DACH2: variants seen among roughly 807,000 people sequenced by gnomAD.
The protein encoded by DACH2 is dachshund family transcription factor 2.
In DACH2, 17 loss-of-function variants were observed where a neutral mutation model predicts 35.8. The ratio of observed to expected loss-of-function variants is 0.48; its 90% CI spans 0.33 to 0.71. The LOEUF is 0.71. Among genes scored for constraint, DACH2 ranks in the 30% least tolerant of loss-of-function variants. The pLI is 0.02. For synonymous variants in DACH2, 195 were observed against 177.3 expected (o/e 1.10, Z -0.79); for missense variants, 469 against 472.7 (o/e 0.99, Z 0.07).
chrX:86,379,962 C>G (rs1366573550), intron 2 of DACH2, among the ~76,000 whole-genome samples: 2 of 110,560 alleles, frequency 1.8e-5, no homozygotes, highest in African/African-American at 6.5e-5. Context: ...TACTAAAACT[C>G]TAATAATTAA....
At chrX:86,721,885 G>A (rs763451639) in intron 6 of DACH2, among the ~76,000 whole-genome samples, 6 of 111,368 alleles carry the variant, frequency 5.4e-5, no homozygotes, top group African/African-American at 1.6e-4. Flanking sequence ...ATGAATGCCC[G>A]ATGCTTATAA....
chrX:86,194,581 G>A (rs1191281931), intron 1 of DACH2, among the ~76,000 whole-genome samples: 2 of 112,437 alleles, frequency 1.8e-5, no homozygotes, highest in Non-Finnish European at 3.8e-5. Flanking sequence ...TGAATGAATT[G>A]AACTGACAAG....
chrX:86,788,243 G>T (rs969266819), intron 7 of DACH2, among the ~76,000 whole-genome samples: 10 of 110,750 alleles, frequency 9.0e-5, no homozygotes, highest in Non-Finnish European at 1.7e-4. Flanking sequence ...AAGCTTACTC[G>T]CCCAGCTCCT....
At chrX:86,726,013 GAAGGT>G (rs2041464986) in intron 6 of DACH2, among the ~76,000 whole-genome samples, 1 of 111,331 alleles carries the variant, frequency 9.0e-6, no homozygotes, top group Non-Finnish European at 1.9e-5. Flanking sequence ...ACTTTTCCTT[GAAGGT>G]AATGACTTCA....
At chrX:86,438,652 A>G in intron 2 of DACH2, among the ~76,000 whole-genome samples, 2 of 112,485 alleles carry the variant, frequency 1.8e-5, no homozygotes, top group Non-Finnish European at 3.8e-5. Flanking sequence ...ATAGTGTTGC[A>G]ATGAACATAG....
chrX:86,656,857 G>GTGTGTGTGTATA (rs1333268452), intron 4 of DACH2, among the ~76,000 whole-genome samples: 4 of 66,772 alleles, frequency 6.0e-5, no homozygotes, highest in African/African-American at 2.9e-4. Context: ...GTGTGTGTGT[G>GTGTGTGTGTATA]TATATATATA....
At chrX:86,461,199 T>A (rs772335786) in intron 2 of DACH2, among the ~76,000 whole-genome samples, 2 of 111,837 alleles carry the variant, frequency 1.8e-5, no homozygotes, top group South Asian at 7.4e-4. Flanking sequence ...AATTTGTGCA[T>A]GTTCATCATT....
intron 1 of DACH2, among the ~76,000 whole-genome samples, chrX:86,217,161 G>A (rs1354556356): frequency 9.2e-6 from 1 of 108,199 alleles, no homozygotes; most frequent in African/African-American, 3.4e-5. Context: ...TTTTCAATAT[G>A]GCATTGAAAT....
intron 2 of DACH2, among the ~76,000 whole-genome samples, chrX:86,447,191 A>G (rs1406890116): frequency 1.0e-5 from 1 of 96,755 alleles, no homozygotes; most frequent in African/African-American, 3.8e-5. Context: ...GATTCTGGAT[A>G]TTAGCCCTTT....
At chrX:86,428,801 C>G (rs1297545357) in intron 2 of DACH2, among the ~76,000 whole-genome samples, 1 of 109,743 alleles carries the variant, frequency 9.1e-6, no homozygotes, top group African/African-American at 3.3e-5. Context: ...TCTTTAATGG[C>G]CTGGATTTGT....
intron 7 of DACH2, among the ~76,000 whole-genome samples, chrX:86,781,940 G>T (rs1346169182): frequency 8.9e-6 from 1 of 111,850 alleles, no homozygotes; most frequent in African/African-American, 3.2e-5. Context: ...AAATTTTAAA[G>T]ACTCCACAAG....
chrX:86,202,588 G>A, intron 1 of DACH2, among the ~76,000 whole-genome samples: 1 of 109,424 alleles, frequency 9.1e-6, no homozygotes, highest in Middle Eastern at 4.7e-3. Flanking sequence ...ACTAGCTTGA[G>A]AAGATCCCAG....
At position 86,536,079 on chromosome X, in the gene DACH2, G is replaced by T. The variant is rs546998770; in HGVS notation, c.640+21688G>T. 1.7e-4 allele frequency among the ~76,000 whole-genome samples: 19 copies of T among 111,084 alleles called. No homozygotes were observed. In the South Asian group the frequency reaches 7.4e-3, roughly 43 times the overall value. On this transcript the variant is annotated intron_variant, in intron 3 of 11. Transcript: ENST00000373125. ...CTTTTAACCTTCCTTTTAGTTTCAG[G>T]GGAAGGGGAAGGGAGAGAGGGAGAG...
intron 3 of DACH2, among the ~76,000 whole-genome samples, chrX:86,561,914 A>G (rs2039223658): frequency 2.0e-5 from 2 of 101,575 alleles, no homozygotes; most frequent in South Asian, 9.1e-4. Flanking sequence ...AAAAAAAAAA[A>G]AAAAAAGAGA....
chrX:86,257,282 T>C (rs1274148443), intron 1 of DACH2, among the ~76,000 whole-genome samples: 1 of 112,120 alleles, frequency 8.9e-6, no homozygotes, highest in Non-Finnish European at 1.9e-5. Flanking sequence ...TGTGCTAAAC[T>C]CTTTATGTGC....
chrX:86,529,593 C>A (rs1288826870), intron 3 of DACH2, among the ~76,000 whole-genome samples: 1 of 109,550 alleles, frequency 9.1e-6, no homozygotes, highest in African/African-American at 3.3e-5. Context: ...CTGCCTCAGC[C>A]TCCTGAGTAG....
At chrX:86,738,883 T>A (rs1441279893) in intron 6 of DACH2, among the ~76,000 whole-genome samples, 1 of 111,715 alleles carries the variant, frequency 9.0e-6, no homozygotes, top group Non-Finnish European at 1.9e-5. Flanking sequence ...ATATGTATAC[T>A]TTTTTTGATA....
intron 1 of DACH2, among the ~76,000 whole-genome samples, chrX:86,227,940 T>C (rs1299185661): frequency 9.1e-6 from 1 of 109,696 alleles, no homozygotes; most frequent in African/African-American, 3.4e-5. Flanking sequence ...ATTTCTTTTT[T>C]TCCAAATCCT....
At chrX:86,334,830 G>C (rs1279738504) in intron 1 of DACH2, among the ~76,000 whole-genome samples, 6 of 111,919 alleles carry the variant, frequency 5.4e-5, no homozygotes, top group African/African-American at 1.9e-4. Context: ...TGAAGTGTGT[G>C]CCCATGCCTA....
Sources: gnomAD v4.1 joint callset for allele counts (sites outside exome capture counted in the v4.1 genomes callset) on GRCh38, gnomAD v4.1.1 for gene constraint, MANE v1.5 for transcripts, NCBI Gene and HGNC (gene_info 2026-07-23, HGNC 2026-07-21) for gene names.